Variants in PREPL observed in about 807,000 individuals in gnomAD.
PREPL encodes the protein prolyl endopeptidase-like.
A neutral mutation model predicts 70.6 loss-of-function variants in PREPL; 77 were observed. That is an observed-to-expected ratio of 1.09 (90% CI 0.91 to 1.32). PREPL has a LOEUF of 1.32. Among genes scored for constraint, PREPL ranks in the 40% most tolerant of loss-of-function variants. The probability of loss-of-function intolerance (pLI) is 0.00; values close to 1 mark genes in which losing one functional copy is unlikely to be tolerated. For missense variants in PREPL, 1,002 were observed against 778.2 expected (o/e 1.29, Z -3.42); for synonymous variants, 315 against 264.8 (o/e 1.19, Z -1.84).
At chr2:44,351,089 A>ATT (rs112509073) in intron 1 of PREPL, among the ~76,000 whole-genome samples, 23 of 136,568 alleles carry the variant, frequency 1.7e-4, no homozygotes, top group Non-Finnish European at 2.6e-4. Context: ...ACGCTGGCTA[A>ATT]TTTTTTTTTT....
Position 44,323,267 on chromosome 2 carries a change from G to A in PREPL, c.1624C>T (p.Pro542Ser), listed in dbSNP as rs1436277134. 2.5e-6 allele frequency: 4 copies of A among 1,597,702 alleles called. No individual in the cohort carries two copies. Among genetic ancestry groups the A allele is most frequent in the Non-Finnish European group, 3.4e-6 (4 of 1,172,102 alleles). The change falls in exon 11 of 14, where the codon CCT (proline) becomes TCT (serine). Residue 542 changes from proline (P) to serine (S), a missense_variant. Pro to Ser is a moderately conservative substitution (Grantham distance 74). Coordinates refer to ENST00000409411, the MANE Select transcript of PREPL (RefSeq NM_001171613.2). Reference protein sequence around the residue: ...KRYCPYQNIKPQHYPSIHITA... With the variant: ...KRYCPYQNIKSQHYPSIHITA... The stretch of plus-strand genomic sequence containing the variant: ...ACACAATTGTCTTTCACTACCTGAG[G>A]TTTAATATTTTGATAGGGACAGTAA...
chr2:44,350,914 A>C (rs1479497802), intron 1 of PREPL, among the ~76,000 whole-genome samples: 2 of 150,860 alleles, frequency 1.3e-5, no homozygotes, highest in Non-Finnish European at 3.0e-5. Flanking sequence ...CTCTTACTTC[A>C]CTGGCCCTTC....
At chr2:44,353,953 GA>G in intron 1 of PREPL, among the ~76,000 whole-genome samples, 1 of 152,128 alleles carries the variant, frequency 6.6e-6, no homozygotes, top group Non-Finnish European at 1.5e-5. Flanking sequence ...TTGAGCTTAG[GA>G]GTTTGAGACA....
Position 44,320,129 on chromosome 2 carries a change from A to G in PREPL, c.*1227T>C. The G allele has an allele frequency of 7.3e-7, 1 of 1,368,960 alleles. No individual in the cohort carries two copies. Among genetic ancestry groups the G allele is most frequent in the South Asian group, 1.3e-5 (1 of 78,606 alleles). The allele number at this position is 1,368,960 out of a possible 1,614,324, so 84.8% of individuals were successfully genotyped here. A position where few individuals can be genotyped will look rare whatever the true frequency, so the allele number is the denominator to read the frequency against. ...TGTTTTGGGTAAATAACTCCTTACAATATATTAAAAATACTTACAAACAAT... is the reference window on the plus strand; with the variant it reads ...TGTTTTGGGTAAATAACTCCTTACAGTATATTAAAAATACTTACAAACAAT... On this transcript the variant is annotated 3_prime_UTR_variant, in exon 14 of 14. Transcript: ENST00000409411.
In PREPL at chr2:44,320,455, A is replaced by G. The variant is rs138907837; in HGVS notation, c.*901T>C. The stretch of plus-strand genomic sequence containing the variant: ...AAAATGAGAATAAGGTTAAGTACCA[A>G]TTCTGCCGACAAAGGCAGTAAAGTT... On this transcript the variant is annotated 3_prime_UTR_variant, in exon 14 of 14. Coordinates refer to ENST00000409411, the MANE Select transcript of PREPL (RefSeq NM_001171613.2). The G allele has an allele frequency of 7.6e-5, 122 of 1,614,038 alleles. No homozygotes were observed. Among genetic ancestry groups the G allele is most frequent in the Non-Finnish European group, 9.6e-5 (113 of 1,179,990 alleles).
chr2:44,325,953 G>A (rs1558487313), intron 10 of PREPL, among the ~76,000 whole-genome samples: 1 of 152,050 alleles, frequency 6.6e-6, no homozygotes, highest in African/African-American at 2.4e-5. Flanking sequence ...ATTAAAATAC[G>A]GAAAAACTAT....
In PREPL at chr2:44,361,395, C is replaced by G. The variant is rs1174219181; in HGVS notation, c.-64G>C. The G allele has an allele frequency of 6.6e-6, 1 of 152,310 alleles. No individual in the cohort carries two copies. The highest frequency in any genetic ancestry group is 1.5e-5 in the Non-Finnish European group (1 of 68,104). 9.4% of individuals were successfully genotyped at this position (152,310 alleles called of 1,614,324 possible). A position where few individuals can be genotyped will look rare whatever the true frequency, so the allele number is the denominator to read the frequency against. ...CCATACATACGCAAATTGAGAGAATCAGTCCGGCTCTGGACACAAACCAGT... is the reference window on the plus strand; with the variant it reads ...CCATACATACGCAAATTGAGAGAATGAGTCCGGCTCTGGACACAAACCAGT... On this transcript the variant is annotated 5_prime_UTR_variant, in exon 1 of 14. Transcript: ENST00000409411.
intron 9 of PREPL, among the ~76,000 whole-genome samples, chr2:44,327,713 A>G (rs1161104021): frequency 6.7e-6 from 1 of 149,882 alleles, no homozygotes; most frequent in Non-Finnish European, 1.5e-5. Flanking sequence ...AATAGAAAAA[A>G]TTAGCCAGGT....
chr2:44,328,268 C>CAAAAAAAA (rs1202363557), intron 9 of PREPL, among the ~76,000 whole-genome samples: 1 of 102,886 alleles, frequency 9.7e-6, no homozygotes, highest in Non-Finnish European at 1.9e-5. Context: ...GATTCTATCT[C>CAAAAAAAA]AAAAAAAAAA....
At chr2:44,350,900 T>C (rs535788122) in intron 1 of PREPL, among the ~76,000 whole-genome samples, 5 of 152,202 alleles carry the variant, frequency 3.3e-5, no homozygotes, top group East Asian at 3.9e-4. Flanking sequence ...TTCTCCTTGT[T>C]TTCCTCTTAC....
At chr2:44,327,040 C>G in intron 9 of PREPL, 112 bp from the exon 10 acceptor site, 1 of 871,556 alleles carries the variant, frequency 1.1e-6, no homozygotes, top group Non-Finnish European at 1.8e-6. Context: ...GGAGCTAAGA[C>G]TGGTTTTTGC....
chr2:44,349,163 T>A (rs1676134773), intron 1 of PREPL, among the ~76,000 whole-genome samples: 1 of 152,214 alleles, frequency 6.6e-6, no homozygotes, highest in African/African-American at 2.4e-5. Context: ...GTTAACTTTA[T>A]CATGGCAAAG....
At position 44,317,631 on chromosome 2, in the gene PREPL, G is replaced by A. The variant is rs1672533322; in HGVS notation, c.*3725C>T. ...ATTTTCAAGTGGTCATAATTTTAATGGTAAAATTAGGACATAAAAATAATT... is the reference window on the plus strand; with the variant it reads ...ATTTTCAAGTGGTCATAATTTTAATAGTAAAATTAGGACATAAAAATAATT... On this transcript the variant is annotated 3_prime_UTR_variant, in exon 14 of 14. Transcript: ENST00000409411. 6.6e-6 allele frequency: 1 copy of A among 151,938 alleles called. No individual in the cohort carries two copies. Among genetic ancestry groups the A allele is most frequent in the African/African-American group, 2.4e-5 (1 of 41,244 alleles). 9.4% of individuals were successfully genotyped at this position (151,938 alleles called of 1,614,324 possible). A position where few individuals can be genotyped will look rare whatever the true frequency, so the allele number is the denominator to read the frequency against.
At chr2:44,336,984 T>G (rs1674705236) in intron 7 of PREPL, among the ~76,000 whole-genome samples, 2 of 152,152 alleles carry the variant, frequency 1.3e-5, no homozygotes, top group African/African-American at 4.8e-5. Context: ...GTTTAGTGTA[T>G]CCTAATATGG....
chr2:44,340,927 C>CAAA (rs966745305), intron 5 of PREPL, among the ~76,000 whole-genome samples: 20 of 97,936 alleles, frequency 2.0e-4, no homozygotes, highest in African/African-American at 6.5e-4. Flanking sequence ...GACTCTGTTT[C>CAAA]AAAAAAAAAA....
At chr2:44,341,396 ACT>A (rs1675205244) in intron 5 of PREPL, among the ~76,000 whole-genome samples, 1 of 152,070 alleles carries the variant, frequency 6.6e-6, no homozygotes, top group Non-Finnish European at 1.5e-5. Context: ...TATTATTTTT[ACT>A]GTTATTGCTT....
chr2:44,338,975 C>T (rs112300986), intron 6 of PREPL, among the ~76,000 whole-genome samples, 172 bp downstream of exon 6: 3 of 152,090 alleles, frequency 2.0e-5, no homozygotes, highest in African/African-American at 7.2e-5. Flanking sequence ...TTTTTAGGCA[C>T]AATTAAAATA....
intron 2 of PREPL, among the ~76,000 whole-genome samples, chr2:44,345,331 T>C (rs1040210233): frequency 1.3e-5 from 2 of 152,026 alleles, no homozygotes; most frequent in African/African-American, 2.4e-5. Flanking sequence ...AATTTTCCAA[T>C]CTTATTGAAA....
chr2:44,326,125 CAT>C (rs1673463603), intron 10 of PREPL, among the ~76,000 whole-genome samples: 1 of 152,146 alleles, frequency 6.6e-6, no homozygotes, highest in African/African-American at 2.4e-5. Context: ...AACTGGGACT[CAT>C]ATATGCTTCA....
Sources: gnomAD v4.1 joint callset for allele counts (sites outside exome capture counted in the v4.1 genomes callset) on GRCh38, gnomAD v4.1.1 for gene constraint, MANE v1.5 for transcripts, NCBI Gene and HGNC (gene_info 2026-07-23, HGNC 2026-07-21) for gene names.